Variants in DNAH7 observed in about 807,000 individuals in gnomAD.
The protein encoded by DNAH7 is dynein axonemal heavy chain 7, also known as axonemal beta dynein heavy chain 7.
A neutral mutation model predicts 444.6 loss-of-function variants in DNAH7; 397 were observed. The observed-to-expected ratio is 0.89, with a 90% CI of 0.82 to 0.97. The LOEUF (loss-of-function observed/expected upper bound fraction) is 0.97. Ranked by LOEUF, DNAH7 falls within the 50% of genes least tolerant of loss-of-function variation. DNAH7 has a pLI of 0.00. For synonymous variants in DNAH7, 1,636 were observed against 1,624.4 expected (o/e 1.01, Z -0.17); for missense variants, 4,902 against 4,800.8 (o/e 1.02, Z -0.62).
At chr2:196,029,253 TG>T (rs145808790) in intron 5 of DNAH7, among the ~76,000 whole-genome samples, 35,822 of 151,238 alleles carry the variant, frequency 0.24, 7,464 homozygotes, top group African/African-American at 0.56. Flanking sequence ...CAGTAACTTT[TG>T]TTTGTTTGTT....
chr2:195,756,746 G>A (rs1488060976), intron 61 of DNAH7, among the ~76,000 whole-genome samples: 1 of 151,998 alleles, frequency 6.6e-6, no homozygotes. Context: ...GTAATCCTAG[G>A]ACTTTGGGGC....
At chr2:195,914,897 G>A (rs1490128676) in intron 24 of DNAH7, among the ~76,000 whole-genome samples, 1 of 152,040 alleles carries the variant, frequency 6.6e-6, no homozygotes, top group East Asian at 1.9e-4. Context: ...CCTAACCTCA[G>A]GTGATCCACC....
rs765395304 is a variant in DNAH7 at position 195,816,592 on chromosome 2, A to C, written c.9761+36T>G. On this transcript the variant is annotated intron_variant, in intron 51 of 64. Coordinates refer to ENST00000312428, the MANE Select transcript of DNAH7 (RefSeq NM_018897.3). ...AAATTACTCTCTGATTTCATGCATT[A>C]ATTAGTTAATATTAACTAGTATTTC... 2.1e-5 allele frequency: 29 copies of C among 1,408,872 alleles called. No homozygotes were observed. The Admixed American group carries it at 2.4e-4, about 12-fold the overall frequency. The allele number at this position is 1,408,872 out of a possible 1,614,324, so 87.3% of individuals were successfully genotyped here.
intron 63 of DNAH7, among the ~76,000 whole-genome samples, chr2:195,741,332 C>A (rs1418250370): frequency 6.6e-6 from 1 of 152,174 alleles, no homozygotes; most frequent in African/African-American, 2.4e-5. Context: ...TTGCTCCTCC[C>A]CTTTTAGAAT....
chr2:196,031,957 C>G (rs758263205), intron 5 of DNAH7, among the ~76,000 whole-genome samples: 4 of 152,178 alleles, frequency 2.6e-5, no homozygotes, highest in Admixed American at 6.5e-5. Flanking sequence ...TCAGCAACAC[C>G]CCACTATACT....
intron 21 of DNAH7, among the ~76,000 whole-genome samples, chr2:195,930,584 A>G (rs190451343): frequency 1.7e-4 from 26 of 152,328 alleles, no homozygotes; most frequent in Non-Finnish European, 3.4e-4. Flanking sequence ...GTGGGATTGT[A>G]AGTTAGTTCA....
At chr2:195,830,913 C>T (rs1195769112) in intron 48 of DNAH7, among the ~76,000 whole-genome samples, 5 of 152,070 alleles carry the variant, frequency 3.3e-5, no homozygotes, top group Non-Finnish European at 7.4e-5. Context: ...CTGCCTGGTA[C>T]ATGGTAGTTG....
At chr2:196,008,325 ATTG>A (rs1256770787) in intron 10 of DNAH7, among the ~76,000 whole-genome samples, 1 of 152,110 alleles carries the variant, frequency 6.6e-6, no homozygotes, top group African/African-American at 2.4e-5. Context: ...ACCCTCATAA[ATTG>A]TTGTTAGGAA....
chr2:196,020,596 A>G (rs932954441), intron 8 of DNAH7, among the ~76,000 whole-genome samples: 1 of 149,826 alleles, frequency 6.7e-6, no homozygotes, highest in African/African-American at 2.5e-5. Flanking sequence ...GGAATGGGGA[A>G]TAATTTGGGG....
At chr2:195,882,535 G>A (rs960074381) in intron 35 of DNAH7, among the ~76,000 whole-genome samples, 19 of 152,086 alleles carry the variant, frequency 1.2e-4, no homozygotes, top group African/African-American at 3.1e-4. Context: ...TGTTAACTAC[G>A]TTCACATTGC....
At position 195,864,850 on chromosome 2, in the gene DNAH7, T is replaced by G; in HGVS notation, c.6805A>C (p.Met2269Leu). Residue 2269 changes from methionine to leucine, a missense_variant, in exon 41 of 65, where the codon ATG (methionine) becomes CTG (leucine). Coordinates refer to ENST00000312428, the MANE Select transcript of DNAH7 (RefSeq NM_018897.3). ...TTGGGATCATGGAAATCACAAAACA[T>G]TAAGCTGCGTAAGTCATCTGCTTCC... is the stretch of plus-strand genomic sequence containing the variant. ...MVEADDLRSL[M>L]FCDFHDPKRE... The G allele has an allele frequency of 6.2e-7, 1 of 1,614,146 alleles. No homozygotes were observed. The highest frequency in any genetic ancestry group is 1.1e-5 in the South Asian group (1 of 91,080).
intron 27 of DNAH7, chr2:195,903,881 G>C (rs144856790): frequency 6.6e-6 from 1 of 152,124 alleles, no homozygotes; most frequent in African/African-American, 2.4e-5. Flanking sequence ...AGATACTCCT[G>C]CATTTCGGGA....
At position 195,987,118 on chromosome 2, in the gene DNAH7, AAAT is replaced by A. The variant is rs776930240; in HGVS notation, c.1699_1701del (p.Ile567del). The A allele has an allele frequency of 5.0e-5, 80 of 1,609,204 alleles. No homozygotes were observed. The highest frequency in any genetic ancestry group is 6.4e-5 in the Non-Finnish European group (76 of 1,178,486). On this transcript the variant is annotated inframe_deletion, in exon 14 of 65. Transcript: ENST00000312428. ...AACATTTTAGCTAGAAGTTTCCCAC[AAAT>A]AATATCTGCTCGCTTCACCAAAGCT...
intron 23 of DNAH7, among the ~76,000 whole-genome samples, chr2:195,923,329 C>T (rs1202750094): frequency 6.6e-6 from 1 of 152,108 alleles, no homozygotes; most frequent in Admixed American, 6.5e-5. Context: ...TTGATAATTA[C>T]TCATCATTTT....
rs114301988 is a variant in DNAH7, at chr2:195,900,163, T to C, written c.4548+119A>G. 4,228 of 1,107,494 alleles carry C rather than the reference T, an allele frequency of 3.8e-3. 111 individuals are homozygous for C. In the African/African-American group the frequency reaches 0.058, roughly 15 times the overall value. 68.6% of individuals were successfully genotyped at this position (1,107,494 alleles called of 1,614,324 possible). ...ACAAGATAATACATTTTTGGTTTAA[T>C]AATTGATTTTTTTCAATCAATTAAG... is the stretch of plus-strand genomic sequence containing the variant. On this transcript the variant is annotated intron_variant, in intron 28 of 64. Coordinates refer to ENST00000312428, the MANE Select transcript of DNAH7 (RefSeq NM_018897.3).
At chr2:196,045,872 C>T (rs1172859815) in intron 5 of DNAH7, among the ~76,000 whole-genome samples, 1 of 151,692 alleles carries the variant, frequency 6.6e-6, no homozygotes, top group Non-Finnish European at 1.5e-5. Flanking sequence ...AAATAGGAAA[C>T]ATAAAATACA....
At chr2:196,021,014 G>C (rs1264816019) in intron 8 of DNAH7, among the ~76,000 whole-genome samples, 1 of 152,108 alleles carries the variant, frequency 6.6e-6, no homozygotes, top group African/African-American at 2.4e-5. Flanking sequence ...ATTCCTAAAT[G>C]TTATTATTAG....
Position 196,001,030 on chromosome 2 carries a change from G to C in DNAH7, c.1174-147C>G, listed in dbSNP as rs538862595. 154 of 558,684 alleles carry C rather than the reference G, an allele frequency of 2.8e-4. No homozygotes were observed. The Middle Eastern group carries it at 3.9e-3, about 14-fold the overall frequency. 34.6% of individuals were successfully genotyped at this position (558,684 alleles called of 1,614,324 possible). Reference sequence around the variant, plus strand: ...AGCCAAGGAGGAGCTCTAATAAAAAGAGCAAGAGTGATTCTGAGCTACAGT... The same window carrying C: ...AGCCAAGGAGGAGCTCTAATAAAAACAGCAAGAGTGATTCTGAGCTACAGT... On this transcript the variant is annotated intron_variant, in intron 11 of 64. Transcript: ENST00000312428.
chr2:195,740,605 GTGTGTGTGTGTATATATA>G (rs1266407520), intron 64 of DNAH7, among the ~76,000 whole-genome samples, 143 bp downstream of exon 64: 2 of 54,852 alleles, frequency 3.6e-5, no homozygotes, highest in East Asian at 4.3e-4. Context: ...GTGTGTGTGT[GTGTGTGTGTGTATATATA>G]TATATATATA....
Sources: allele counts gnomAD v4.1 joint callset (sites outside exome capture counted in the v4.1 genomes callset), GRCh38; gene constraint gnomAD v4.1.1; transcripts MANE v1.5; gene names NCBI Gene and HGNC (gene_info 2026-07-23, HGNC 2026-07-21).